The following DPP10 variants were observed in gnomAD, a reference collection of about 807,000 sequenced individuals.
DPP10 encodes dipeptidyl peptidase like 10, also known as inactive dipeptidyl peptidase 10.
Under a neutral mutation model 120.9 loss-of-function variants are expected in DPP10, and 33 were observed. That is an observed-to-expected ratio of 0.27 (90% CI 0.21 to 0.37). DPP10 has a LOEUF of 0.37. Ranked by LOEUF, DPP10 falls within the 10% of genes least tolerant of loss-of-function variation. The probability of loss-of-function intolerance (pLI) is 1.00; values close to 1 mark genes in which losing one functional copy is unlikely to be tolerated. For missense variants in DPP10, 816 were observed against 942.8 expected, an observed-to-expected ratio of 0.87 and a Z score of 1.76; for synonymous variants, 337 against 326.1, an observed-to-expected ratio of 1.03 and a Z score of -0.36.
chr2:115,338,892 G>T (rs1202684120), intron 2 of DPP10, among the ~76,000 whole-genome samples: 1 of 152,062 alleles, frequency 6.6e-6, no homozygotes, highest in Non-Finnish European at 1.5e-5. Flanking sequence ...CAAGAAATAG[G>T]TGAAACATTG....
At chr2:114,549,663 CAAA>C (rs869226518) in intron 1 of DPP10, among the ~76,000 whole-genome samples, 1 of 76,488 alleles carries the variant, frequency 1.3e-5, no homozygotes. Context: ...TGTGTGTCAA[CAAA>C]AAAAAAAAAA....
intron 1 of DPP10, among the ~76,000 whole-genome samples, chr2:114,856,976 T>C (rs985226767): frequency 6.6e-6 from 1 of 152,112 alleles, no homozygotes; most frequent in East Asian, 1.9e-4. Context: ...ATAATTTTGC[T>C]AGAAACATAT....
intron 1 of DPP10, among the ~76,000 whole-genome samples, chr2:115,289,727 A>C (rs1057110527): frequency 1.3e-5 from 2 of 152,074 alleles, no homozygotes; most frequent in Non-Finnish European, 2.9e-5. Context: ...TCAACAAAGC[A>C]GACAAAAATA....
In DPP10 at chr2:115,365,688, G is replaced by A. The variant is rs528017776; in HGVS notation, c.271+21776G>A. Among the ~76,000 whole-genome samples, 49 of 152,062 alleles carry A rather than the reference G, an allele frequency of 3.2e-4. 1 individual carries two copies. The South Asian group carries it at 4.8e-3, about 15-fold the overall frequency. On this transcript the variant is annotated intron_variant, in intron 3 of 25. Coordinates refer to ENST00000410059, the MANE Select transcript of DPP10 (RefSeq NM_020868.6). ...TACTTTGCCATAAGGTATTTAAGAT[G>A]GAAGTCTGTTTTAGTTTTTCATAGA...
intron 1 of DPP10, among the ~76,000 whole-genome samples, chr2:114,933,312 C>G (rs1696217249): frequency 6.6e-6 from 1 of 152,166 alleles, no homozygotes; most frequent in African/African-American, 2.4e-5. Flanking sequence ...CTTTTGCAAC[C>G]AGGCAACATC....
intron 1 of DPP10, among the ~76,000 whole-genome samples, chr2:115,042,380 C>T (rs1704721253): frequency 6.6e-6 from 1 of 152,082 alleles, no homozygotes; most frequent in Non-Finnish European, 1.5e-5. Context: ...GAGTTTCGTG[C>T]CACAGCCTCC....
intron 1 of DPP10, among the ~76,000 whole-genome samples, chr2:115,114,244 A>T (rs12612601): frequency 6.6e-6 from 1 of 152,170 alleles, no homozygotes; most frequent in South Asian, 2.1e-4. Flanking sequence ...CCCCCAGTCC[A>T]TGTGTATGCC....
chr2:114,729,119 T>G (rs1415343707), intron 1 of DPP10, among the ~76,000 whole-genome samples: 2 of 152,144 alleles, frequency 1.3e-5, no homozygotes, highest in Non-Finnish European at 2.9e-5. Context: ...AAGTGGCATT[T>G]GAAATAAGAG....
chr2:115,054,260 T>C (rs1051186068), intron 1 of DPP10, among the ~76,000 whole-genome samples: 1 of 152,172 alleles, frequency 6.6e-6, no homozygotes. Context: ...CCTAGAACAA[T>C]GTAAAAGAAG....
At chr2:115,172,125 A>T (rs150851482) in intron 1 of DPP10, among the ~76,000 whole-genome samples, 22 of 152,316 alleles carry the variant, frequency 1.4e-4, no homozygotes, top group African/African-American at 5.1e-4. Flanking sequence ...TAAAGGAGAG[A>T]TGCTCTTAAC....
At chr2:115,323,209 G>A (rs548317346) in intron 2 of DPP10, among the ~76,000 whole-genome samples, 19 of 152,182 alleles carry the variant, frequency 1.2e-4, no homozygotes, top group African/African-American at 4.1e-4. Context: ...TTGTTGTCAC[G>A]TCAACAGTGT....
intron 1 of DPP10, among the ~76,000 whole-genome samples, chr2:114,750,610 G>A (rs1679123131): frequency 6.6e-6 from 1 of 152,198 alleles, no homozygotes; most frequent in African/African-American, 2.4e-5. Context: ...TGGGAATACA[G>A]GCGTGAGCCA....
intron 1 of DPP10, chr2:115,297,181 G>A (rs2060923975): frequency 4.6e-6 from 1 of 216,104 alleles, no homozygotes; most frequent in Admixed American, 5.1e-5. Context: ...TAAATGAGTG[G>A]GGGTAGGTTT....
chr2:115,189,794 C>A (rs1340330577), intron 1 of DPP10, among the ~76,000 whole-genome samples: 1 of 152,114 alleles, frequency 6.6e-6, no homozygotes, highest in Non-Finnish European at 1.5e-5. Context: ...GACACAACAC[C>A]CGAGAAGAAC....
At chr2:115,282,146 T>G (rs1458776401) in intron 1 of DPP10, among the ~76,000 whole-genome samples, 1 of 152,052 alleles carries the variant, frequency 6.6e-6, no homozygotes, top group Non-Finnish European at 1.5e-5. Context: ...TTTTTAAAAG[T>G]GATATATATC....
At chr2:115,443,469 CAG>C in intron 3 of DPP10, among the ~76,000 whole-genome samples, 1 of 152,136 alleles carries the variant, frequency 6.6e-6, no homozygotes, top group South Asian at 2.1e-4. Flanking sequence ...CGTGAATATG[CAG>C]TGCTGAATTG....
chr2:115,004,913 C>A (rs996700083), intron 1 of DPP10, among the ~76,000 whole-genome samples: 29 of 152,110 alleles, frequency 1.9e-4, no homozygotes, highest in African/African-American at 6.5e-4. Context: ...CCTCTGGGGG[C>A]AGGGCACAGA....
intron 1 of DPP10, among the ~76,000 whole-genome samples, chr2:115,069,850 G>T (rs1276058803): frequency 6.6e-6 from 1 of 150,768 alleles, no homozygotes; most frequent in Non-Finnish European, 1.5e-5. Context: ...TATTTTTCAG[G>T]TCTATCTATA....
At position 115,179,821 on chromosome 2, in the gene DPP10, A is replaced by G. The variant is rs76072451; in HGVS notation, c.61-129418A>G. Among the ~76,000 whole-genome samples the G allele has an allele frequency of 1.4e-4, 21 of 152,292 alleles. No homozygotes were observed. The East Asian group carries it at 3.7e-3, about 27-fold the overall frequency. ...ACACACCAGGAAGAAAAATAGCAGCATTGAAATGTTTTATTGATCCGTAAG... is the reference window on the plus strand; with the variant it reads ...ACACACCAGGAAGAAAAATAGCAGCGTTGAAATGTTTTATTGATCCGTAAG... On this transcript the variant is annotated intron_variant, in intron 1 of 25. Transcript: ENST00000410059.
Sources: gnomAD v4.1 joint callset for allele counts (sites outside exome capture counted in the v4.1 genomes callset) on GRCh38, gnomAD v4.1.1 for gene constraint, MANE v1.5 for transcripts, NCBI Gene and HGNC (gene_info 2026-07-23, HGNC 2026-07-21) for gene names.